The following ANKRD44 variants were observed in gnomAD, a reference collection of about 807,000 sequenced individuals.
ANKRD44 encodes the protein serine/threonine-protein phosphatase 6 regulatory ankyrin repeat subunit B.
In ANKRD44, 35 loss-of-function variants were observed where a neutral mutation model predicts 116.0. That is an observed-to-expected ratio of 0.30 (90% confidence interval 0.23 to 0.40). The LOEUF (loss-of-function observed/expected upper bound fraction) is 0.40. Ranked by LOEUF, ANKRD44 falls within the 10% of genes least tolerant of loss-of-function variation. The pLI is 1.00. For missense variants in ANKRD44, 1,014 were observed against 1,242.6 expected, an observed-to-expected ratio of 0.82 and a Z score of 2.77; for synonymous variants, 435 against 461.8, an observed-to-expected ratio of 0.94 and a Z score of 0.74.
intron 1 of ANKRD44, among the ~76,000 whole-genome samples, chr2:197,274,340 T>C (rs1325510375): frequency 6.6e-6 from 1 of 152,160 alleles, no homozygotes; most frequent in Non-Finnish European, 1.5e-5. Context: ...TGAAAGCCTA[T>C]GGCAGACTGA....
At position 196,988,650 on chromosome 2, in the gene ANKRD44, C is replaced by T; in HGVS notation, c.*941G>A. ...AGAACATTATTTTTGAAATATCTCACATACACTATAAAATAGCAATTTCCA... is the reference window on the plus strand; with the variant it reads ...AGAACATTATTTTTGAAATATCTCATATACACTATAAAATAGCAATTTCCA... On this transcript the variant is annotated 3_prime_UTR_variant, in exon 28 of 28. Transcript: ENST00000282272. 1 of 985,106 alleles carries T rather than the reference C, an allele frequency of 1.0e-6. No individual in the cohort carries two copies. The highest frequency in any genetic ancestry group is 4.7e-5 in the South Asian group (1 of 21,274). The allele number at this position is 985,106 out of a possible 1,614,324, so 61.0% of individuals were successfully genotyped here.
At chr2:197,146,640 C>T (rs974095788) in intron 3 of ANKRD44, among the ~76,000 whole-genome samples, 2 of 151,754 alleles carry the variant, frequency 1.3e-5, no homozygotes, top group African/African-American at 2.4e-5. Context: ...TATATATACT[C>T]ACTATACATA....
At chr2:197,197,627 T>C (rs902414255) in intron 1 of ANKRD44, among the ~76,000 whole-genome samples, 15 of 151,710 alleles carry the variant, frequency 9.9e-5, no homozygotes, top group Admixed American at 2.0e-4. Flanking sequence ...CCTAGACACA[T>C]GGTGAAACCA....
At chr2:197,090,622 C>G (rs996358999) in intron 10 of ANKRD44, among the ~76,000 whole-genome samples, 1 of 151,830 alleles carries the variant, frequency 6.6e-6, no homozygotes, top group African/African-American at 2.4e-5. Context: ...GAGCAAAACC[C>G]CACTCTCAAG....
At chr2:197,143,362 C>T (rs1447826760) in intron 3 of ANKRD44, among the ~76,000 whole-genome samples, 1 of 113,626 alleles carries the variant, frequency 8.8e-6, no homozygotes, top group Non-Finnish European at 1.7e-5. Context: ...CCCCCCACCC[C>T]ACAACAGTCC....
In ANKRD44 at chr2:197,122,701, G is replaced by A. The variant is rs1406745291; in HGVS notation, c.642C>T (p.Ala214=). 2 of 1,614,210 alleles carry A rather than the reference G, an allele frequency of 1.2e-6. No individual in the cohort carries two copies. The highest frequency in any genetic ancestry group is 2.2e-5 in the East Asian group (1 of 44,892). The change falls in exon 7 of 28, where the codon GCC becomes GCT. Residue 214 remains alanine (A), a synonymous_variant. Coordinates refer to ENST00000282272, the MANE Select transcript of ANKRD44 (RefSeq NM_001195144.2). ...TGACAACATTAATCTGTCCATTGGA[G>A]GCTGCAGCATGCAGAGGGGTATAAC... The part of the protein sequence containing the change: ...KKGYTPLHAA[A]SNGQINVVKH...
chr2:197,146,957 T>C (rs1388086449), intron 3 of ANKRD44, 70 bp downstream of exon 3: 1 of 1,381,340 alleles, frequency 7.2e-7, no homozygotes, highest in African/African-American at 1.4e-5. Flanking sequence ...TTCACTGTAG[T>C]AGTCAATCTA....
Position 196,988,876 on chromosome 2 carries a change from A to G in ANKRD44, c.*715T>C, listed in dbSNP as rs559549588. ...TGAGCTTTTCAGTGTACTTAGGGTAATTTCTAGATATTTCTTTGTGCTGCC... is the reference window on the plus strand; with the variant it reads ...TGAGCTTTTCAGTGTACTTAGGGTAGTTTCTAGATATTTCTTTGTGCTGCC... On this transcript the variant is annotated 3_prime_UTR_variant, in exon 28 of 28. Transcript: ENST00000282272. 2.0e-6 allele frequency: 2 copies of G among 985,400 alleles called. No homozygotes were observed. Among genetic ancestry groups the G allele is most frequent in the South Asian group, 9.4e-5 (2 of 21,284 alleles). 61.0% of individuals were successfully genotyped at this position (985,400 alleles called of 1,614,324 possible).
intron 27 of ANKRD44, among the ~76,000 whole-genome samples, chr2:196,991,759 T>C (rs2075921667): frequency 2.5e-5 from 1 of 40,596 alleles, no homozygotes; most frequent in South Asian, 1.7e-3. Flanking sequence ...TTTTTCTTTT[T>C]TTGGTTTTTT....
chr2:197,287,371 CAGAAA>C (rs1402680781), intron 1 of ANKRD44, among the ~76,000 whole-genome samples: 4 of 151,970 alleles, frequency 2.6e-5, no homozygotes, highest in South Asian at 2.1e-4. Context: ...CTCCTGCAGC[CAGAAA>C]AGAAAAGTGT....
chr2:197,073,059 C>T (rs553267139), intron 16 of ANKRD44, among the ~76,000 whole-genome samples: 49 of 152,148 alleles, frequency 3.2e-4, no homozygotes, highest in Non-Finnish European at 6.2e-4. Context: ...GAGTGGGTAA[C>T]GAGACATGGC....
rs952179583 is a variant in ANKRD44, at chr2:197,206,575, C to T, written c.28-19469G>A. Among the ~76,000 whole-genome samples, 28 of 152,008 alleles carry T rather than the reference C, an allele frequency of 1.8e-4. 1 individual carries two copies. In the South Asian group the frequency reaches 2.3e-3, roughly 12 times the overall value. Reference sequence around the variant, plus strand: ...GCACACGCCTGTAATCCCAGCTACTCGGGAGGCTGAGGTAGGAGAATGGCT... The same window carrying T: ...GCACACGCCTGTAATCCCAGCTACTTGGGAGGCTGAGGTAGGAGAATGGCT... On this transcript the variant is annotated intron_variant, in intron 1 of 27. Coordinates refer to ENST00000282272, the MANE Select transcript of ANKRD44 (RefSeq NM_001195144.2).
At chr2:197,083,599 A>G (rs2077848849) in intron 13 of ANKRD44, 90 bp from the exon 14 acceptor site, 1 of 1,442,810 alleles carries the variant, frequency 6.9e-7, no homozygotes, top group African/African-American at 1.4e-5. Flanking sequence ...TGCCTAGGGC[A>G]TGGAAAGCTC....
chr2:197,097,288 T>C (rs1410730739), intron 10 of ANKRD44, among the ~76,000 whole-genome samples: 1 of 152,156 alleles, frequency 6.6e-6, no homozygotes, highest in African/African-American at 2.4e-5. Context: ...ATTTCCCAAG[T>C]AACCCAAAGC....
chr2:197,127,330 T>C (rs2078998281), intron 4 of ANKRD44, among the ~76,000 whole-genome samples: 1 of 152,176 alleles, frequency 6.6e-6, no homozygotes, highest in African/African-American at 2.4e-5. Flanking sequence ...TTAATACATA[T>C]AATAGAAATT....
At chr2:197,282,970 G>A (rs1282016813) in intron 1 of ANKRD44, among the ~76,000 whole-genome samples, 1 of 152,208 alleles carries the variant, frequency 6.6e-6, no homozygotes, top group Non-Finnish European at 1.5e-5. Context: ...CTTGGCCAGT[G>A]AACTAATGGT....
At chr2:197,190,506 A>C (rs1473581587) in intron 1 of ANKRD44, among the ~76,000 whole-genome samples, 2 of 152,176 alleles carry the variant, frequency 1.3e-5, no homozygotes, top group African/African-American at 4.8e-5. Flanking sequence ...TATTTTTTAA[A>C]TATTATGACT....
At chr2:197,274,024 T>A (rs1448763907) in intron 1 of ANKRD44, among the ~76,000 whole-genome samples, 2 of 92,976 alleles carry the variant, frequency 2.2e-5, no homozygotes, top group Non-Finnish European at 4.3e-5. Flanking sequence ...TATATATATA[T>A]ATATGAATCA....
Position 197,147,079 on chromosome 2 carries a change from A to G in ANKRD44, c.138T>C (p.His46=). The G allele has an allele frequency of 6.2e-7, 1 of 1,613,858 alleles. No individual in the cohort carries two copies. The highest frequency in any genetic ancestry group is 8.5e-7 in the Non-Finnish European group (1 of 1,179,758). Residue 46 remains histidine (H), a synonymous_variant, in exon 3 of 28, where the codon CAT becomes CAC. Transcript: ENST00000282272. ...TLDSEKRTPL[H]VAAFLGDAEI... is the part of the protein sequence containing the mutation. ...CTGCATCTCCCAGAAATGCGGCCAC[A>G]TGAAGAGGGGTTCGTTTCTCAGAAT...
Sources: allele counts gnomAD v4.1 joint callset (sites outside exome capture counted in the v4.1 genomes callset), GRCh38; gene constraint gnomAD v4.1.1; transcripts MANE v1.5; gene names NCBI Gene and HGNC (gene_info 2026-07-23, HGNC 2026-07-21).